CNTNAP5: variants seen among roughly 807,000 people sequenced by gnomAD.
CNTNAP5 encodes contactin-associated protein-like 5.
CNTNAP5 carries 72 observed loss-of-function variants against 150.2 expected under a neutral mutation model. That is an observed-to-expected ratio of 0.48 (90% CI 0.40 to 0.58). The LOEUF (loss-of-function observed/expected upper bound fraction) is 0.58, where lower values mean the gene tolerates loss of function less well. Among genes scored for constraint, CNTNAP5 ranks in the 20% least tolerant of loss-of-function variants. The pLI, the probability that CNTNAP5 is intolerant of heterozygous loss-of-function variation, is 0.00. For synonymous variants in CNTNAP5, 672 were observed against 619.8 expected, an observed-to-expected ratio of 1.08 and a Z score of -1.25; for missense variants, 1,636 against 1,626.2, an observed-to-expected ratio of 1.01 and a Z score of -0.10.
chr2:124,892,813 C>T (rs1020856673), intron 21 of CNTNAP5, among the ~76,000 whole-genome samples: 1 of 152,124 alleles, frequency 6.6e-6, no homozygotes, highest in African/African-American at 2.4e-5. Flanking sequence ...TCCAAAATGC[C>T]TCCTATACAG....
chr2:124,228,759 T>G (rs2104749748), intron 2 of CNTNAP5, among the ~76,000 whole-genome samples: 1 of 152,306 alleles, frequency 6.6e-6, no homozygotes, highest in Middle Eastern at 3.4e-3. Flanking sequence ...AGTGAATTTC[T>G]TCTACTCTAC....
chr2:124,763,951 A>C (rs759724960), intron 15 of CNTNAP5, 26 bp from the exon 16 acceptor site: 1 of 1,606,326 alleles, frequency 6.2e-7, no homozygotes, highest in Non-Finnish European at 8.5e-7. Context: ...ACGATAAACC[A>C]TGTTGAAGGA....
At chr2:124,280,334 A>AT (rs930156699) in intron 3 of CNTNAP5, among the ~76,000 whole-genome samples, 15 of 151,694 alleles carry the variant, frequency 9.9e-5, no homozygotes, top group African/African-American at 2.7e-4. Context: ...TGCCCAGATA[A>AT]TTTTTTTGTA....
intron 3 of CNTNAP5, among the ~76,000 whole-genome samples, chr2:124,278,976 G>T (rs567811228): frequency 6.6e-6 from 1 of 152,030 alleles, no homozygotes; most frequent in African/African-American, 2.4e-5. Flanking sequence ...TTTTCTGTTC[G>T]ATATTTACTG....
intron 1 of CNTNAP5, among the ~76,000 whole-genome samples, chr2:124,157,531 C>T (rs549513279): frequency 1.3e-5 from 2 of 152,230 alleles, no homozygotes; most frequent in East Asian, 3.9e-4. Flanking sequence ...TCCTCACTTA[C>T]TTTCTATCTT....
chr2:124,902,805 T>A (rs1238447269), intron 21 of CNTNAP5, 77 bp from the exon 22 acceptor site: 1 of 935,042 alleles, frequency 1.1e-6, no homozygotes, highest in Non-Finnish European at 1.6e-6. Context: ...TTTTAGATAC[T>A]ACTCAAAGAG....
chr2:124,101,036 C>T (rs536914343), intron 1 of CNTNAP5, among the ~76,000 whole-genome samples: 31 of 152,198 alleles, frequency 2.0e-4, no homozygotes, highest in Non-Finnish European at 4.1e-4. Flanking sequence ...CTTCTGAACA[C>T]CCATGGTTTA....
At chr2:124,133,096 T>G (rs1197011712) in intron 1 of CNTNAP5, among the ~76,000 whole-genome samples, 1 of 152,194 alleles carries the variant, frequency 6.6e-6, no homozygotes, top group Admixed American at 6.5e-5. Context: ...AAAATATCCC[T>G]GAGAAGAAAA....
Position 124,865,410 on chromosome 2 carries a change from C to G in CNTNAP5, c.3322C>G (p.Arg1108Gly), listed in dbSNP as rs376033117. 1 of 1,551,986 alleles carries G rather than the reference C, an allele frequency of 6.4e-7. No individual in the cohort carries two copies. Among genetic ancestry groups the G allele is most frequent in the Non-Finnish European group, 8.7e-7 (1 of 1,147,022 alleles). Residue 1108 changes from arginine (R) to glycine (G), a missense_variant, in exon 20 of 24, where the codon CGA becomes GGA. Physicochemically the swap from Arg to Gly is moderately radical, Grantham distance 125 (BLOSUM62 -2). Coordinates refer to ENST00000682447, the MANE Select transcript of CNTNAP5 (RefSeq NM_001367498.1). ...AAGGATGCACCACTTGAAGATTAAC[C>G]GAGAGGGAAGAGAGCTTACCATTCA... ...NRRMHHLKIN[R>G]EGRELTIQMD...
At chr2:124,659,465 A>T (rs1573529430) in intron 13 of CNTNAP5, among the ~76,000 whole-genome samples, 1 of 152,138 alleles carries the variant, frequency 6.6e-6, no homozygotes, top group East Asian at 1.9e-4. Flanking sequence ...TAATTCCCCC[A>T]CTCTGCCACT....
intron 3 of CNTNAP5, among the ~76,000 whole-genome samples, chr2:124,395,299 G>A (rs1691217984): frequency 6.6e-6 from 1 of 152,128 alleles, no homozygotes; most frequent in African/African-American, 2.4e-5. Context: ...AAGCAACAGT[G>A]TTGAGCAGAG....
chr2:124,765,753 C>T (rs1186923148), intron 16 of CNTNAP5, among the ~76,000 whole-genome samples: 5 of 151,868 alleles, frequency 3.3e-5, no homozygotes, highest in African/African-American at 7.3e-5. Context: ...GTCAGGAGTT[C>T]GAGACCAGCA....
At chr2:124,203,360 C>G (rs1206811188) in intron 1 of CNTNAP5, among the ~76,000 whole-genome samples, 1 of 152,128 alleles carries the variant, frequency 6.6e-6, no homozygotes, top group East Asian at 1.9e-4. Context: ...CATGGGCTGG[C>G]ATTGAGTGTT....
At chr2:124,385,894 T>G (rs76020516) in intron 3 of CNTNAP5, among the ~76,000 whole-genome samples, 5,523 of 152,268 alleles carry the variant, frequency 0.036, 102 homozygotes, top group East Asian at 0.1. Flanking sequence ...TTCATTCTTT[T>G]TTTGTTTGTT....
chr2:124,090,419 A>G (rs1682787040), intron 1 of CNTNAP5, among the ~76,000 whole-genome samples: 1 of 152,216 alleles, frequency 6.6e-6, no homozygotes, highest in African/African-American at 2.4e-5. Context: ...GCTGCTGAAG[A>G]TAAGACCATT....
At chr2:124,215,608 T>C (rs188092342) in intron 1 of CNTNAP5, among the ~76,000 whole-genome samples, 1 of 152,052 alleles carries the variant, frequency 6.6e-6, no homozygotes, top group African/African-American at 2.4e-5. Flanking sequence ...TATTTTTCTC[T>C]TCTTACCTTT....
chr2:124,285,191 A>G (rs531797101), intron 3 of CNTNAP5, among the ~76,000 whole-genome samples: 2 of 152,228 alleles, frequency 1.3e-5, no homozygotes, highest in African/African-American at 4.8e-5. Flanking sequence ...GATAGTTATT[A>G]TCCGAATACC....
chr2:124,249,319 C>T (rs967120273), intron 3 of CNTNAP5, among the ~76,000 whole-genome samples: 4 of 152,162 alleles, frequency 2.6e-5, no homozygotes, highest in Non-Finnish European at 5.9e-5. Context: ...AATCTCCTTT[C>T]CCCTTTGTTT....
chr2:124,061,178 G>A (rs962795519), intron 1 of CNTNAP5, among the ~76,000 whole-genome samples: 2 of 152,166 alleles, frequency 1.3e-5, no homozygotes, highest in Admixed American at 1.3e-4. Context: ...ATTAAACAAA[G>A]CCTCGGTATT....
Sources: gnomAD v4.1 joint callset for allele counts (sites outside exome capture counted in the v4.1 genomes callset) on GRCh38, gnomAD v4.1.1 for gene constraint, MANE v1.5 for transcripts, NCBI Gene and HGNC (gene_info 2026-07-23, HGNC 2026-07-21) for gene names.